The following PEG3 variants were observed in gnomAD, a reference collection of about 807,000 sequenced individuals.
PEG3 encodes paternally expressed 3.
PEG3 carries 23 observed loss-of-function variants against 35.5 expected under a neutral mutation model. That is an observed-to-expected ratio of 0.65 (90% CI 0.47 to 0.92). The LOEUF (loss-of-function observed/expected upper bound fraction) is 0.92. PEG3 is among the 40% of genes least tolerant of loss of function. The pLI is 0.00. For missense variants in PEG3, 1,960 were observed against 1,985.3 expected (o/e 0.99, Z 0.24); for synonymous variants, 707 against 697.0 (o/e 1.01, Z -0.23).
Position 56,815,429 on chromosome 19 carries a change from A to C in PEG3, c.3013T>G (p.Ser1005Ala). Residue 1005 changes from serine (S) to alanine (A), a missense_variant, in exon 10 of 10, where the codon TCT becomes GCT. Transcript: ENST00000326441. ...GTAGGGGCCAAGCTGCGAATGACAG[A>C]CCATTCATAGTTTCTGCTTCCAGAG... ...KPSGSRNYEW[S>A]VIRSLAPTDP... 6.2e-7 allele frequency: 1 copy of C among 1,614,046 alleles called. No homozygotes were observed. The highest frequency in any genetic ancestry group is 8.5e-7 in the Non-Finnish European group (1 of 1,179,920).
chr19:56,815,402 C>T lies in PEG3; in HGVS notation c.3040G>A (p.Asp1014Asn), dbSNP rs777468426. The change falls in exon 10 of 10, where the codon GAC (aspartate) becomes AAC (asparagine). Residue 1014 changes from aspartate (D) to asparagine (N), a missense_variant. Around this residue, in one of 5 missense-constraint regions of PEG3, gnomAD observed 798 missense variants for 782.4 expected, o/e 1.02. Transcript: ENST00000326441. The part of the protein sequence containing the change: ...WSVIRSLAPT[D>N]PQTSYAQEQY... ...TCTTGGGCGTAACTTGTTTGAGGGT[C>T]AGTAGGGGCCAAGCTGCGAATGACA... The T allele has an allele frequency of 6.2e-7, 1 of 1,614,124 alleles. No individual in the cohort carries two copies. Among genetic ancestry groups the T allele is most frequent in the South Asian group, 1.1e-5 (1 of 91,070 alleles).
At position 56,832,064 on chromosome 19, in the gene PEG3, A is replaced by C. The variant is rs565311219; in HGVS notation, c.-163+3954T>G. Among the ~76,000 whole-genome samples, 3 of 152,384 alleles carry C rather than the reference A, an allele frequency of 2.0e-5. No homozygotes were observed. The East Asian group carries it at 5.8e-4, about 29-fold the overall frequency. On this transcript the variant is annotated intron_variant, in intron 2 of 9. Transcript: ENST00000326441. Reference sequence around the variant, plus strand: ...ACTCACATAAACTTGTATTAAGACTATTCATAAAATAGAGGAAATCTATCA... The same window carrying C: ...ACTCACATAAACTTGTATTAAGACTCTTCATAAAATAGAGGAAATCTATCA...
Position 56,813,971 on chromosome 19 carries a change from C to T in PEG3, c.4471G>A (p.Glu1491Lys). 6.2e-7 allele frequency: 1 copy of T among 1,614,126 alleles called. No homozygotes were observed. The highest frequency in any genetic ancestry group is 8.5e-7 in the Non-Finnish European group (1 of 1,179,978). The change falls in exon 10 of 10, where the codon GAA (glutamate) becomes AAA (lysine). Residue 1491 changes from glutamate (E) to lysine (K), a missense_variant. Coordinates refer to ENST00000326441, the MANE Select transcript of PEG3 (RefSeq NM_006210.3). The part of the protein sequence containing the change: ...EPDGVGIEDP[E>K]EGEDQEIQVE... ...TGAATCTCTTGATCTTCACCTTCTTCTGGGTCTTCAATTCCCACACCGTCA... is the reference window on the plus strand; with the variant it reads ...TGAATCTCTTGATCTTCACCTTCTTTTGGGTCTTCAATTCCCACACCGTCA...
rs377584987 is a variant in PEG3 at position 56,839,411 on chromosome 19, C to T, written c.-250+1171G>A. On this transcript the variant is annotated intron_variant, in intron 1 of 9. Transcript: ENST00000326441. ...CCTCAGCAGCCCCCATCAAACATGG[C>T]GTCCAAGCGGGCAGGGCCTGAACAG... Among the ~76,000 whole-genome samples, 79 of 151,736 alleles carry T rather than the reference C, an allele frequency of 5.2e-4. 1 individual carries two copies. Among genetic ancestry groups the T allele is most frequent in the African/African-American group, 1.9e-3 (78 of 41,120 alleles).
Position 56,815,940 on chromosome 19 carries a change from A to G in PEG3, c.2502T>C (p.Val834=), listed in dbSNP as rs1328563507. 1.2e-6 allele frequency: 2 copies of G among 1,603,096 alleles called. No homozygotes were observed. The highest frequency in any genetic ancestry group is 2.7e-5 in the African/African-American group (2 of 74,582). ...TSEGREYSRS[V]IHSLVASKPP... ...GTTTGGAAGCCACTAAGCTATGGAT[A>G]ACAGACCTACTGTATTCCCTTCCTT... Residue 834 remains valine (V), a synonymous_variant, in exon 10 of 10, where the codon GTT becomes GTC. Transcript: ENST00000326441.
Position 56,810,447 on chromosome 19 carries a change from A to G in PEG3, c.*3228T>C. The G allele has an allele frequency of 1.0e-6, 1 of 984,154 alleles. No homozygotes were observed. Among genetic ancestry groups the G allele is most frequent in the African/African-American group, 1.7e-5 (1 of 57,336 alleles). The allele number at this position is 984,154 out of a possible 1,614,324, so 61.0% of individuals were successfully genotyped here. A position where few individuals can be genotyped will look rare whatever the true frequency, so the allele number is the denominator to read the frequency against. The stretch of plus-strand genomic sequence containing the variant: ...TCTTTGACATTTATGCATACTTATC[A>G]CTAACACCCTAATAATCACAGACTA... On this transcript the variant is annotated 3_prime_UTR_variant, in exon 10 of 10. Transcript: ENST00000326441.
In PEG3 at chr19:56,824,306, A is replaced by G. The variant is rs750862723; in HGVS notation, c.350T>C (p.Leu117Pro). The change falls in exon 4 of 10, where the codon CTC becomes CCC. Residue 117 changes from leucine to proline, a missense_variant. Physicochemically the swap from Leu to Pro is moderately conservative, Grantham distance 98. Transcript: ENST00000326441. ...CTTGTAATTCTCCAGCAGAGTGACGAGCTTCTCACAGTTCTCCGGCTTTTT... is the reference window on the plus strand; with the variant it reads ...CTTGTAATTCTCCAGCAGAGTGACGGGCTTCTCACAGTTCTCCGGCTTTTT... ...RAKKPENCEK[L>P]VTLLENYKEM... The G allele has an allele frequency of 6.2e-7, 1 of 1,614,040 alleles. No individual in the cohort carries two copies. Among genetic ancestry groups the G allele is most frequent in the Admixed American group, 1.7e-5 (1 of 60,020 alleles).
Position 56,813,084 on chromosome 19 carries a change from A to C in PEG3, c.*591T>G. 1.0e-6 allele frequency: 1 copy of C among 985,518 alleles called. No homozygotes were observed. Among genetic ancestry groups the C allele is most frequent in the Non-Finnish European group, 1.2e-6 (1 of 829,870 alleles). The allele number at this position is 985,518 out of a possible 1,614,324, so 61.0% of individuals were successfully genotyped here. The stretch of plus-strand genomic sequence containing the variant: ...AGCTTCACAAGACTATTTAAGGGTA[A>C]GAAACAAAACAATTACTCAAAAAGA... On this transcript the variant is annotated 3_prime_UTR_variant, in exon 10 of 10. Transcript: ENST00000326441.
chr19:56,815,527 TGACA>T lies in PEG3; in HGVS notation c.2911_2914del (p.Cys971ArgfsTer173). 2 of 1,614,162 alleles carry T rather than the reference TGACA, an allele frequency of 1.2e-6. No individual in the cohort carries two copies. The highest frequency in any genetic ancestry group is 1.7e-6 in the Non-Finnish European group (2 of 1,180,006). On this transcript the variant is annotated frameshift_variant, in exon 10 of 10. Coordinates refer to ENST00000326441, the MANE Select transcript of PEG3 (RefSeq NM_006210.3). LOFTEE classifies it low-confidence loss of function (END_TRUNC). Reference sequence around the variant, plus strand: ...ATGAGCAAAGCACTCCCCACACTCCTGACATTCATAGAGCATCCCTCGAGGGCGA... The same window carrying T: ...ATGAGCAAAGCACTCCCCACACTCCTTTCATAGAGCATCCCTCGAGGGCGA...
chr19:56,827,800 T>TCC (rs1231252339), intron 2 of PEG3, among the ~76,000 whole-genome samples: 2 of 152,240 alleles, frequency 1.3e-5, no homozygotes, highest in East Asian at 3.9e-4. Flanking sequence ...CCAAGATAGT[T>TCC]AAGTGCAAAA....
intron 2 of PEG3, chr19:56,833,749 G>A (rs1018417340): frequency 6.5e-6 from 1 of 154,932 alleles, no homozygotes; most frequent in Non-Finnish European, 1.4e-5. Context: ...AAGGTATCCA[G>A]TCTGGTCCAA....
chr19:56,838,135 C>T (rs959186348), intron 1 of PEG3, among the ~76,000 whole-genome samples: 1 of 152,144 alleles, frequency 6.6e-6, no homozygotes, highest in Non-Finnish European at 1.5e-5. Context: ...ATGCAGACCC[C>T]GTCAGTCACT....
Position 56,813,278 on chromosome 19 carries a change from C to G in PEG3, c.*397G>C, listed in dbSNP as rs1043477785. 21 of 934,904 alleles carry G rather than the reference C, an allele frequency of 2.2e-5. No individual in the cohort carries two copies. The highest frequency in any genetic ancestry group is 2.4e-5 in the Non-Finnish European group (19 of 781,120). 57.9% of individuals were successfully genotyped at this position (934,904 alleles called of 1,614,324 possible). On this transcript the variant is annotated 3_prime_UTR_variant, in exon 10 of 10. Coordinates refer to ENST00000326441, the MANE Select transcript of PEG3 (RefSeq NM_006210.3). Reference sequence around the variant, plus strand: ...ACTGTAACTGTATATCATATAAATCCAAATATATGTGATCACTGTTCTGTC... The same window carrying G: ...ACTGTAACTGTATATCATATAAATCGAAATATATGTGATCACTGTTCTGTC...
chr19:56,810,454 C>T lies in PEG3; in HGVS notation c.*3221G>A, dbSNP rs913412120. ...CATTTATGCATACTTATCACTAACA[C>T]CCTAATAATCACAGACTAGTGCACA... On this transcript the variant is annotated 3_prime_UTR_variant, in exon 10 of 10. Coordinates refer to ENST00000326441, the MANE Select transcript of PEG3 (RefSeq NM_006210.3). 45 of 984,288 alleles carry T rather than the reference C, an allele frequency of 4.6e-5. No homozygotes were observed. The African/African-American group carries it at 7.7e-4, about 17-fold the overall frequency. The allele number at this position is 984,288 out of a possible 1,614,324, so 61.0% of individuals were successfully genotyped here.
rs535693354 is a variant in PEG3, at chr19:56,813,410, T to G, written c.*265A>C. On this transcript the variant is annotated 3_prime_UTR_variant, in exon 10 of 10. Transcript: ENST00000326441. ...TCTGTAGTCTGGAATACTCATAGGG[T>G]TTTCTCAATCTGATTACTTGGAAAG... 1 of 1,268,120 alleles carries G rather than the reference T, an allele frequency of 7.9e-7. No homozygotes were observed. Among genetic ancestry groups the G allele is most frequent in the Non-Finnish European group, 1.0e-6 (1 of 1,004,624 alleles). 78.6% of individuals were successfully genotyped at this position (1,268,120 alleles called of 1,614,324 possible). A position where few individuals can be genotyped will look rare whatever the true frequency, so the allele number is the denominator to read the frequency against.
At chr19:56,821,595 G>A (rs553704094) in intron 7 of PEG3, 56 bp downstream of exon 7, 190 of 1,595,168 alleles carry the variant, frequency 1.2e-4, no homozygotes, top group Admixed American at 6.4e-4. Context: ...AAAGAAAGGC[G>A]TCTCTGCCAT....
In PEG3 at chr19:56,824,324, G is replaced by A. The variant is rs763208406; in HGVS notation, c.332C>T (p.Pro111Leu). 8.7e-6 allele frequency: 14 copies of A among 1,613,912 alleles called. No homozygotes were observed. The highest frequency in any genetic ancestry group is 4.5e-5 in the East Asian group (2 of 44,850). The change falls in exon 4 of 10, where the codon CCG (proline) becomes CTG (leucine). Residue 111 changes from proline (P) to leucine (L), a missense_variant. This residue lies in a region of PEG3 where 613 missense variants were observed against 577.1 expected (regional missense o/e 1.06). Transcript: ENST00000326441. Reference protein sequence around the residue: ...KLKPWVRAKKPENCEKLVTLL... With the variant: ...KLKPWVRAKKLENCEKLVTLL... ...AGTGACGAGCTTCTCACAGTTCTCC[G>A]GCTTTTTTGCTCGCACCCAAGGCTT...
intron 7 of PEG3, among the ~76,000 whole-genome samples, chr19:56,821,240 G>A (rs2060456881): frequency 6.6e-6 from 1 of 152,228 alleles, no homozygotes; most frequent in African/African-American, 2.4e-5. Flanking sequence ...GCAAGTGGCA[G>A]AGCCAGGCTT....
intron 2 of PEG3, among the ~76,000 whole-genome samples, chr19:56,834,646 C>G (rs2061900563): frequency 6.6e-6 from 1 of 152,128 alleles, no homozygotes; most frequent in African/African-American, 2.4e-5. Flanking sequence ...CATGAGCCCT[C>G]GGGCAAAGGA....
Sources: allele counts gnomAD v4.1 joint callset (sites outside exome capture counted in the v4.1 genomes callset), GRCh38; gene constraint gnomAD v4.1.1; regional missense constraint gnomAD v4.1.1; transcripts MANE v1.5; gene names NCBI Gene and HGNC (gene_info 2026-07-23, HGNC 2026-07-21).